CTNNA3: variants seen among roughly 807,000 people sequenced by gnomAD.
The protein encoded by CTNNA3 is catenin alpha 3.
CTNNA3 carries 76 observed loss-of-function variants against 95.7 expected under a neutral mutation model. The ratio of observed to expected loss-of-function variants is 0.79; its 90% CI spans 0.66 to 0.96. The LOEUF is 0.96. Ranked by LOEUF, CTNNA3 falls within the 40% of genes least tolerant of loss-of-function variation. The pLI, the probability that CTNNA3 is intolerant of heterozygous loss-of-function variation, is 0.00. For missense variants in CTNNA3, 1,191 were observed against 1,089.8 expected (o/e 1.09, Z -1.31); for synonymous variants, 431 against 374.4 (o/e 1.15, Z -1.74).
intron 17 of CTNNA3, among the ~76,000 whole-genome samples, chr10:65,921,406 T>G (rs1158073381): frequency 6.6e-6 from 1 of 152,242 alleles, no homozygotes; most frequent in Admixed American, 6.5e-5. Context: ...TAATTAGTGA[T>G]AGCTAAGAGG....
At chr10:66,814,594 T>C (rs1842006523) in intron 7 of CTNNA3, among the ~76,000 whole-genome samples, 1 of 151,962 alleles carries the variant, frequency 6.6e-6, no homozygotes, top group Non-Finnish European at 1.5e-5. Context: ...AAACCTTGTC[T>C]CTACTAAAAA....
In CTNNA3 at chr10:67,003,035, C is replaced by T. The variant is rs151011546; in HGVS notation, c.1047+177282G>A. 9.9e-3 allele frequency among the ~76,000 whole-genome samples: 1,508 copies of T among 152,100 alleles called. 14 individuals are homozygous for T. The highest frequency in any genetic ancestry group is 0.015 in the Non-Finnish European group (1,039 of 67,966). On this transcript the variant is annotated intron_variant, in intron 7 of 17. Transcript: ENST00000433211. Reference sequence around the variant, plus strand: ...GGTAATTATGATACTATTTATAATGCCATGGTTATGTTCATAGGCCACTAA... The same window carrying T: ...GGTAATTATGATACTATTTATAATGTCATGGTTATGTTCATAGGCCACTAA...
chr10:67,456,567 C>G (rs1847178829), intron 5 of CTNNA3, among the ~76,000 whole-genome samples: 1 of 152,074 alleles, frequency 6.6e-6, no homozygotes, highest in Admixed American at 6.6e-5. Context: ...ATTTTTTGCT[C>G]AAGAGACAGG....
intron 8 of CTNNA3, among the ~76,000 whole-genome samples, chr10:66,769,739 A>C (rs925915642): frequency 4.6e-5 from 7 of 152,204 alleles, no homozygotes; most frequent in African/African-American, 4.8e-5. Flanking sequence ...CTACTGCATA[A>C]AATTCCTACC....
At chr10:67,626,053 G>C (rs1481360204) in intron 2 of CTNNA3, among the ~76,000 whole-genome samples, 1 of 151,870 alleles carries the variant, frequency 6.6e-6, no homozygotes, top group Non-Finnish European at 1.5e-5. Context: ...GTGGTGGCAT[G>C]CATCTGTAGT....
chr10:66,244,928 G>T (rs10997007), intron 13 of CTNNA3, among the ~76,000 whole-genome samples: 32,523 of 152,084 alleles, frequency 0.21, 3,641 homozygotes, highest in South Asian at 0.29. Flanking sequence ...AGAGAGATAT[G>T]TGACCTTTTG....
intron 12 of CTNNA3, among the ~76,000 whole-genome samples, chr10:66,304,763 A>G (rs1203709462): frequency 6.6e-6 from 1 of 152,220 alleles, no homozygotes; most frequent in Non-Finnish European, 1.5e-5. Flanking sequence ...TAACAAAAGT[A>G]TAGGAACAGG....
chr10:66,385,980 C>G (rs116820953), intron 11 of CTNNA3, among the ~76,000 whole-genome samples: 2,957 of 152,110 alleles, frequency 0.019, 111 homozygotes, highest in African/African-American at 0.069. Context: ...CCCACAGCCC[C>G]CAATATCATA....
intron 7 of CTNNA3, among the ~76,000 whole-genome samples, chr10:66,846,636 T>C (rs1304493218): frequency 6.6e-6 from 1 of 152,080 alleles, no homozygotes; most frequent in African/African-American, 2.4e-5. Flanking sequence ...TATACCTCAG[T>C]ATAGCTATGA....
chr10:67,277,721 T>C (rs1442181313), intron 5 of CTNNA3, among the ~76,000 whole-genome samples: 1 of 152,150 alleles, frequency 6.6e-6, no homozygotes, highest in Non-Finnish European at 1.5e-5. Flanking sequence ...TGACCTCTGG[T>C]TGTCCTCACT....
At chr10:67,188,806 A>T (rs988907690) in intron 6 of CTNNA3, among the ~76,000 whole-genome samples, 1 of 152,170 alleles carries the variant, frequency 6.6e-6, no homozygotes, top group Non-Finnish European at 1.5e-5. Flanking sequence ...AATACTATTC[A>T]GCCTTTAAAA....
chr10:66,969,965 C>A (rs755944018), intron 7 of CTNNA3, among the ~76,000 whole-genome samples: 10 of 152,072 alleles, frequency 6.6e-5, no homozygotes, highest in Non-Finnish European at 1.2e-4. Context: ...CAGTACTGAC[C>A]TACCTCAGAG....
intron 12 of CTNNA3, among the ~76,000 whole-genome samples, chr10:66,347,550 G>A (rs1228527183): frequency 6.6e-6 from 1 of 151,870 alleles, no homozygotes; most frequent in East Asian, 1.9e-4. Context: ...GAAGGTAGAG[G>A]CCACAGTAAG....
intron 12 of CTNNA3, among the ~76,000 whole-genome samples, chr10:66,288,508 A>G (rs539050255): frequency 6.6e-6 from 1 of 152,236 alleles, no homozygotes; most frequent in African/African-American, 2.4e-5. Flanking sequence ...TATTTTCTAA[A>G]GTTGTGTTGT....
At chr10:67,761,265 A>C (rs1335078912) in intron 1 of CTNNA3, among the ~76,000 whole-genome samples, 4 of 152,200 alleles carry the variant, frequency 2.6e-5, no homozygotes, top group African/African-American at 7.2e-5. Context: ...GTAATTAGCT[A>C]TGTGAACTTG....
At chr10:65,959,178 G>T (rs1280802587) in intron 17 of CTNNA3, among the ~76,000 whole-genome samples, 2 of 152,180 alleles carry the variant, frequency 1.3e-5, no homozygotes, top group Admixed American at 1.3e-4. Context: ...CTGTGGGAGT[G>T]GGACCCTCCG....
At chr10:66,305,986 G>A (rs2091928611) in intron 12 of CTNNA3, among the ~76,000 whole-genome samples, 1 of 152,020 alleles carries the variant, frequency 6.6e-6, no homozygotes, top group African/African-American at 2.4e-5. Context: ...TTCCTATCCT[G>A]ACCCAACTAA....
chr10:67,447,830 T>C (rs1846815725), intron 5 of CTNNA3, among the ~76,000 whole-genome samples: 1 of 152,212 alleles, frequency 6.6e-6, no homozygotes, highest in Admixed American at 6.5e-5. Flanking sequence ...TCCTGTTTCA[T>C]TCACCTCTTA....
At chr10:65,984,687 GA>G (rs1234018106) in intron 16 of CTNNA3, among the ~76,000 whole-genome samples, 3 of 150,522 alleles carry the variant, frequency 2.0e-5, no homozygotes, top group Admixed American at 1.3e-4. Context: ...ATCAATATAA[GA>G]AAAAAAACCT....
Sources: gnomAD v4.1 joint callset for allele counts (sites outside exome capture counted in the v4.1 genomes callset) on GRCh38, gnomAD v4.1.1 for gene constraint, MANE v1.5 for transcripts, NCBI Gene and HGNC (gene_info 2026-07-23, HGNC 2026-07-21) for gene names.